Variants in ABCC8 observed in about 807,000 individuals in gnomAD.
ABCC8 encodes the protein ATP binding cassette subfamily C member 8.
A neutral mutation model predicts 188.0 loss-of-function variants in ABCC8; 137 were observed. The observed-to-expected ratio is 0.73, with a 90% CI of 0.63 to 0.84. The LOEUF is 0.84. Among genes scored for constraint, ABCC8 ranks in the 40% least tolerant of loss-of-function variants. ABCC8 has a pLI of 0.00. For missense variants in ABCC8, 1,750 were observed against 2,072.7 expected, an observed-to-expected ratio of 0.84 and a Z score of 3.02; for synonymous variants, 797 against 846.5, an observed-to-expected ratio of 0.94 and a Z score of 1.01.
In ABCC8 at chr11:17,410,631, T is replaced by C; in HGVS notation, c.2579A>G (p.Asp860Gly). ...VFLDDPFSAL[D>G]IHLSDHLMQA... ...CATTAAGTGGTCACTCAGATGGATA[T>C]CCAGAGCTGAGAAGGGGTCATCCTG... Residue 860 changes from aspartate to glycine, a missense_variant, in exon 22 of 39, where the codon GAT (aspartate) becomes GGT (glycine). Physicochemically the swap from Asp to Gly is moderately conservative, Grantham distance 94. Coordinates refer to ENST00000389817, the MANE Select transcript of ABCC8 (RefSeq NM_000352.6). 6.2e-7 allele frequency: 1 copy of C among 1,613,876 alleles called. No homozygotes were observed. Among genetic ancestry groups the C allele is most frequent in the Non-Finnish European group, 8.5e-7 (1 of 1,179,926 alleles).
rs370711689 is a variant in ABCC8, at chr11:17,428,272, G to A, written c.2040+17C>T. 1.6e-5 allele frequency: 26 copies of A among 1,613,914 alleles called. No individual in the cohort carries two copies. Among genetic ancestry groups the A allele is most frequent in the Non-Finnish European group, 2.2e-5 (26 of 1,180,044 alleles). On this transcript the variant is annotated intron_variant, in intron 14 of 38. Coordinates refer to ENST00000389817, the MANE Select transcript of ABCC8 (RefSeq NM_000352.6). Reference sequence around the variant, plus strand: ...GAGTTGGTGCTGGGTGGCCAGGCATGGGGCAGCAGGACTCACCTGGACACA... The same window carrying A: ...GAGTTGGTGCTGGGTGGCCAGGCATAGGGCAGCAGGACTCACCTGGACACA...
chr11:17,428,882 G>T (rs1955719249), intron 12 of ABCC8: 5 of 834,334 alleles, frequency 6.0e-6, no homozygotes, highest in Non-Finnish European at 9.1e-6. Context: ...GGAATAGGCT[G>T]GGGTCTGGAT....
chr11:17,476,518 C>T (rs1848784889), intron 1 of ABCC8, 111 bp downstream of exon 1: 4 of 1,361,326 alleles, frequency 2.9e-6, no homozygotes, highest in Non-Finnish European at 4.0e-6. Context: ...GGGAACGAGG[C>T]GGACGGCGGT....
intron 8 of ABCC8, chr11:17,448,275 G>T: frequency 1.9e-6 from 1 of 527,152 alleles, no homozygotes; most frequent in African/African-American, 1.9e-5. Context: ...TTATAAAGTT[G>T]GCTCCATTTT....
chr11:17,402,878 C>A, intron 28 of ABCC8, 125 bp from the exon 29 acceptor site: 1 of 1,207,842 alleles, frequency 8.3e-7, no homozygotes, highest in South Asian at 1.2e-5. Flanking sequence ...GCCTCAGCTT[C>A]TTACCCCGTG....
chr11:17,453,008 T>C (rs1956868803), intron 7 of ABCC8, 111 bp downstream of exon 7: 2 of 1,098,804 alleles, frequency 1.8e-6, no homozygotes, highest in Non-Finnish European at 2.8e-6. Flanking sequence ...CAACAAAAAA[T>C]AAATTTACAG....
intron 11 of ABCC8, among the ~76,000 whole-genome samples, chr11:17,431,261 G>A (rs546602108): frequency 6.6e-6 from 1 of 151,546 alleles, no homozygotes; most frequent in African/African-American, 2.4e-5. Context: ...GGTCAGCACG[G>A]CCCCCTCTGC....
chr11:17,414,647 G>A, intron 18 of ABCC8, 37 bp from the exon 19 acceptor site: 1 of 1,612,294 alleles, frequency 6.2e-7, no homozygotes. Flanking sequence ...GGTGCGGAAG[G>A]CATTCTCAGG....
Position 17,474,936 on chromosome 11 carries a change from C to T in ABCC8, c.240G>A (p.Met80Ile), listed in dbSNP as rs1242711631. 5 of 1,614,190 alleles carry T rather than the reference C, an allele frequency of 3.1e-6. No individual in the cohort carries two copies. The highest frequency in any genetic ancestry group is 4.2e-6 in the Non-Finnish European group (5 of 1,180,044). ...GHNLRWILTF[M>I]LLFVLVCEIA... ...TCTCACACACCAGGACGAAGAGCAG[C>T]ATGAAGGTCAGGATCCACCGCAGGT... is the stretch of plus-strand genomic sequence containing the variant. The change falls in exon 2 of 39, where the codon ATG becomes ATA. Residue 80 changes from methionine (M) to isoleucine (I), a missense_variant. Coordinates refer to ENST00000389817, the MANE Select transcript of ABCC8 (RefSeq NM_000352.6).
chr11:17,426,006 G>A (rs1955565495), intron 16 of ABCC8, among the ~76,000 whole-genome samples: 2 of 152,192 alleles, frequency 1.3e-5, no homozygotes, highest in Non-Finnish European at 2.9e-5. Context: ...CCCTGCAAAG[G>A]ACACGAACTC....
chr11:17,425,113 G>T (rs1955523246), intron 16 of ABCC8, among the ~76,000 whole-genome samples: 1 of 152,200 alleles, frequency 6.6e-6, no homozygotes, highest in African/African-American at 2.4e-5. Flanking sequence ...TCGGAATAAG[G>T]CAATATGATC....
rs1186073975 is a variant in ABCC8 at position 17,406,782 on chromosome 11, T to C, written c.3169A>G (p.Thr1057Ala). 1 of 1,614,152 alleles carries C rather than the reference T, an allele frequency of 6.2e-7. No individual in the cohort carries two copies. The highest frequency in any genetic ancestry group is 1.7e-5 in the Admixed American group (1 of 60,020). ...ARNCSLSQEC[T>A]LDQTVYAMVF... Reference sequence around the variant, plus strand: ...ATGGCATAGACAGTCTGGTCGAGGGTGCACTCCTTCACAGGCAGAGAGTGA... The same window carrying C: ...ATGGCATAGACAGTCTGGTCGAGGGCGCACTCCTTCACAGGCAGAGAGTGA... The change falls in exon 26 of 39, where the codon ACC (threonine) becomes GCC (alanine). Residue 1057 changes from threonine (T) to alanine (A), a missense_variant. Thr to Ala is a moderately conservative substitution (Grantham distance 58). Coordinates refer to ENST00000389817, the MANE Select transcript of ABCC8 (RefSeq NM_000352.6).
At chr11:17,460,275 G>C (rs887075279) in intron 6 of ABCC8, among the ~76,000 whole-genome samples, 1 of 152,230 alleles carries the variant, frequency 6.6e-6, no homozygotes, top group Non-Finnish European at 1.5e-5. Context: ...GGTGAGAGGA[G>C]AGTAGGATAC....
Position 17,405,495 on chromosome 11 carries a change from TGGTC to T in ABCC8, c.3394_3397del (p.Asp1132SerfsTer10). The T allele has an allele frequency of 6.2e-7, 1 of 1,614,242 alleles. No individual in the cohort carries two copies. The highest frequency in any genetic ancestry group is 8.5e-7 in the Non-Finnish European group (1 of 1,180,040). ...ATAGTGTGGCACGGTCCTCTGTACC[TGGTC>T]GATGGTGTTACAGTCAGATGAAAAT... On this transcript the variant is annotated frameshift_variant and splice_region_variant, in exon 27 of 39. Transcript: ENST00000389817. LOFTEE classifies it high-confidence loss of function.
At chr11:17,441,972 T>A (rs1193595963) in intron 10 of ABCC8, among the ~76,000 whole-genome samples, 1 of 151,984 alleles carries the variant, frequency 6.6e-6, no homozygotes, top group Non-Finnish European at 1.5e-5. Context: ...CCCAGCTACA[T>A]GGGAGGCTGA....
intron 20 of ABCC8, 87 bp downstream of exon 20, chr11:17,413,307 A>G: frequency 1.3e-6 from 2 of 1,554,736 alleles, no homozygotes; most frequent in Non-Finnish European, 1.8e-6. Flanking sequence ...CCTATTTCCT[A>G]GTTACCCATT....
At chr11:17,432,150 A>G (rs1955876473) in intron 11 of ABCC8, 54 bp downstream of exon 11, 1 of 1,550,198 alleles carries the variant, frequency 6.5e-7, no homozygotes, top group Non-Finnish European at 8.7e-7. Context: ...CTGTCACTGC[A>G]GACGCCCTCC....
chr11:17,476,561 C>T (rs1339042791), intron 1 of ABCC8, 68 bp downstream of exon 1: 5 of 1,558,496 alleles, frequency 3.2e-6, no homozygotes, highest in Middle Eastern at 1.8e-4. Flanking sequence ...AGCGGTGCGG[C>T]GCGCAGCGCC....
chr11:17,435,206 G>T (rs1412528939), intron 10 of ABCC8, among the ~76,000 whole-genome samples: 1 of 152,056 alleles, frequency 6.6e-6, no homozygotes, highest in African/African-American at 2.4e-5. Context: ...CAATAACACT[G>T]CGTAGGTGTT....
Sources: allele counts gnomAD v4.1 joint callset (sites outside exome capture counted in the v4.1 genomes callset), GRCh38; gene constraint gnomAD v4.1.1; transcripts MANE v1.5; gene names NCBI Gene and HGNC (gene_info 2026-07-23, HGNC 2026-07-21).